Variants in RELB observed in about 807,000 individuals in gnomAD.
RELB encodes RELB proto-oncogene, NF-kB subunit, also known as transcription factor RelB.
Under a neutral mutation model 55.4 loss-of-function variants are expected in RELB, and 14 were observed. That is an observed-to-expected ratio of 0.25 (90% CI 0.17 to 0.40). The LOEUF is 0.40. Ranked by LOEUF, RELB falls within the 10% of genes least tolerant of loss-of-function variation. The pLI is 1.00. For missense variants in RELB, 669 were observed against 830.7 expected (o/e 0.81, Z 2.39); for synonymous variants, 409 against 371.3 (o/e 1.10, Z -1.17).
intron 2 of RELB, chr19:45,008,546 C>G: frequency 2.2e-6 from 1 of 456,234 alleles, no homozygotes; most frequent in Non-Finnish European, 4.4e-6. Flanking sequence ...GTGTCCCTTC[C>G]TCTCTGCCAG....
intron 8 of RELB, among the ~76,000 whole-genome samples, chr19:45,030,760 G>C (rs559081758): frequency 6.6e-6 from 1 of 152,190 alleles, no homozygotes; most frequent in Non-Finnish European, 1.5e-5. Context: ...TGGTGCCACC[G>C]CACTGCAGCC....
In RELB at chr19:45,037,792, C is replaced by T. The variant is rs764658390; in HGVS notation, c.*2C>T. 2.0e-6 allele frequency: 3 copies of T among 1,479,676 alleles called. No homozygotes were observed. The highest frequency in any genetic ancestry group is 2.7e-6 in the Non-Finnish European group (3 of 1,118,550). 91.7% of individuals were successfully genotyped at this position (1,479,676 alleles called of 1,614,324 possible). On this transcript the variant is annotated 3_prime_UTR_variant, in exon 12 of 12. Coordinates refer to ENST00000221452, the MANE Select transcript of RELB (RefSeq NM_006509.4). ...TCCCCGGGGCCTGAAGCCACGTAGC[C>T]CCGCGATGCCAGAGGAGGGGCACTG...
intron 8 of RELB, among the ~76,000 whole-genome samples, chr19:45,032,139 G>A (rs1487816105): frequency 6.6e-6 from 1 of 151,970 alleles, no homozygotes; most frequent in Non-Finnish European, 1.5e-5. Context: ...GGGAGACTGA[G>A]GCAGGAGAAT....
rs1342027181 is a variant in RELB at position 45,025,384 on chromosome 19, G to A, written c.718G>A (p.Glu240Lys). 1 of 1,612,800 alleles carries A rather than the reference G, an allele frequency of 6.2e-7. No individual in the cohort carries two copies. The highest frequency in any genetic ancestry group is 8.5e-7 in the Non-Finnish European group (1 of 1,179,536). ...GAAGAAGGAGATTGAGGCTGCCATT[G>A]AGCGGAAGATTCAACTGGGCATTGA... ...VRKKEIEAAI[E>K]RKIQLGIDPY... Residue 240 changes from glutamate (E) to lysine (K), a missense_variant, in exon 6 of 12, where the codon GAG becomes AAG. This residue lies in a region of RELB where 323 missense variants were observed against 368.5 expected (regional missense o/e 0.88). Transcript: ENST00000221452.
At chr19:45,009,885 C>A in intron 3 of RELB, 63 bp downstream of exon 3, 2 of 1,293,208 alleles carry the variant, frequency 1.5e-6, no homozygotes, top group Non-Finnish European at 2.2e-6. Context: ...AGAAGGGGGT[C>A]TTGGCCTTCC....
intron 11 of RELB, among the ~76,000 whole-genome samples, chr19:45,034,906 T>A (rs2122496294): frequency 6.6e-6 from 1 of 151,826 alleles, no homozygotes; most frequent in East Asian, 2.0e-4. Context: ...AGTGGCATGA[T>A]CTCAGCTCAC....
At position 45,022,185 on chromosome 19, in the gene RELB, C is replaced by A. The variant is rs759774364; in HGVS notation, c.637C>A (p.Arg213=). 1 of 1,607,316 alleles carries A rather than the reference C, an allele frequency of 6.2e-7. No homozygotes were observed. The highest frequency in any genetic ancestry group is 1.7e-5 in the Admixed American group (1 of 59,818). ...CTDGICRVRL[R]PHVSPRHSFN... Reference sequence around the variant, plus strand: ...CGACGGCATCTGCAGGGTGCGGCTCCGGCCTCACGTCAGCCCCCGGCACAG... The same window carrying A: ...CGACGGCATCTGCAGGGTGCGGCTCAGGCCTCACGTCAGCCCCCGGCACAG... Residue 213 remains arginine (R), a synonymous_variant, in exon 5 of 12, where the codon CGG becomes AGG. Transcript: ENST00000221452.
At chr19:45,032,505 C>T (rs1971636186) in intron 8 of RELB, 29 bp from the exon 9 acceptor site, 2 of 1,574,672 alleles carry the variant, frequency 1.3e-6, no homozygotes, top group African/African-American at 1.3e-5. Flanking sequence ...GATGTCCTGG[C>T]TTAGCTGATG....
In RELB at chr19:45,012,015, C is replaced by A; in HGVS notation, c.243C>A (p.Arg81=). ...CGGGCCCGGGCGAGGGGCTGCCACG[C>A]CTGGTGTCTCGCGGGGCTGCGTCCC... ...GQPGPGEGLP[R]LVSRGAASLS... Residue 81 remains arginine (R), a synonymous_variant, in exon 4 of 12, where the codon CGC becomes CGA. Transcript: ENST00000221452. The A allele has an allele frequency of 6.3e-7, 1 of 1,575,528 alleles. No homozygotes were observed. Among genetic ancestry groups the A allele is most frequent in the Admixed American group, 1.8e-5 (1 of 54,268 alleles).
chr19:45,010,768 C>T (rs1971340906), intron 3 of RELB, among the ~76,000 whole-genome samples: 2 of 152,126 alleles, frequency 1.3e-5, no homozygotes, highest in Admixed American at 1.3e-4. Flanking sequence ...ACCTCCACCT[C>T]CCAGGTTCAA....
At chr19:45,015,747 GAA>G (rs1568399614) in intron 4 of RELB, among the ~76,000 whole-genome samples, 1 of 36,666 alleles carries the variant, frequency 2.7e-5, no homozygotes, top group African/African-American at 7.7e-5. Context: ...AAAAAAAAAA[GAA>G]AAAAGAAACA....
At chr19:45,015,359 A>G (rs964502974) in intron 4 of RELB, among the ~76,000 whole-genome samples, 2 of 152,184 alleles carry the variant, frequency 1.3e-5, no homozygotes, top group Non-Finnish European at 2.9e-5. Flanking sequence ...TATTTTACAC[A>G]TAAAGACAGT....
intron 2 of RELB, among the ~76,000 whole-genome samples, chr19:45,003,331 C>T (rs1225124544): frequency 2.0e-5 from 3 of 151,718 alleles, no homozygotes; most frequent in African/African-American, 2.4e-5. Context: ...CAAAATTAGC[C>T]GGGCGTGGTG....
intron 4 of RELB, 92 bp from the exon 5 acceptor site, chr19:45,021,961 G>C (rs1437607262): frequency 1.6e-6 from 2 of 1,289,972 alleles, no homozygotes; most frequent in Non-Finnish European, 2.1e-6. Flanking sequence ...AGTGGGGAGA[G>C]GATTGGGGAG....
At chr19:45,033,054 G>A (rs1257061675) in intron 9 of RELB, among the ~76,000 whole-genome samples, 3 of 152,188 alleles carry the variant, frequency 2.0e-5, no homozygotes, top group Admixed American at 1.3e-4. Context: ...AGACACAGCA[G>A]TGACCAGCAC....
chr19:45,010,308 G>C, intron 3 of RELB, among the ~76,000 whole-genome samples: 1 of 66,844 alleles, frequency 1.5e-5, no homozygotes, highest in African/African-American at 4.5e-5. Flanking sequence ...GAGCAAGACC[G>C]TGTCTCAAAA....
At chr19:45,025,984 G>C (rs1338998829) in intron 7 of RELB, among the ~76,000 whole-genome samples, 1 of 152,096 alleles carries the variant, frequency 6.6e-6, no homozygotes, top group Non-Finnish European at 1.5e-5. Context: ...GCTCATGCCG[G>C]TAATCCCAGC....
rs912722039 is a variant in RELB at position 45,001,526 on chromosome 19, A to T, written c.-54A>T. ...CCCCAGCCCTTGCGCCGCTCGTCCG[A>T]CCCGCGATCGTCCACCAGACCGTGC... On this transcript the variant is annotated 5_prime_UTR_variant, in exon 1 of 12. Coordinates refer to ENST00000221452, the MANE Select transcript of RELB (RefSeq NM_006509.4). 10 of 1,071,228 alleles carry T rather than the reference A, an allele frequency of 9.3e-6. No individual in the cohort carries two copies. Among genetic ancestry groups the T allele is most frequent in the Non-Finnish European group, 1.2e-5 (10 of 811,376 alleles). The allele number at this position is 1,071,228 out of a possible 1,614,324, so 66.4% of individuals were successfully genotyped here. A position where few individuals can be genotyped will look rare whatever the true frequency, so the allele number is the denominator to read the frequency against.
Position 45,009,806 on chromosome 19 carries a change from T to C in RELB, c.155-8T>C. 2 of 1,599,268 alleles carry C rather than the reference T, an allele frequency of 1.3e-6. No homozygotes were observed. Among genetic ancestry groups the C allele is most frequent in the Non-Finnish European group, 1.7e-6 (2 of 1,179,700 alleles). On this transcript the variant is annotated splice_polypyrimidine_tract_variant and splice_region_variant and intron_variant, in intron 2 of 11. Coordinates refer to ENST00000221452, the MANE Select transcript of RELB (RefSeq NM_006509.4). ...ACCTTTCTCTTTCTCTTTCTCTTCC[T>C]TCCACAGATGAATTGGGTGAGTATC...
Sources: gnomAD v4.1 joint callset for allele counts (sites outside exome capture counted in the v4.1 genomes callset) on GRCh38, gnomAD v4.1.1 for gene constraint, gnomAD v4.1.1 regional missense constraint, MANE v1.5 for transcripts, NCBI Gene and HGNC (gene_info 2026-07-23, HGNC 2026-07-21) for gene names.